Variants in USP28 observed in about 807,000 individuals in gnomAD.
USP28 encodes the protein ubiquitin specific peptidase 28.
In USP28, 113 loss-of-function variants were observed where a neutral mutation model predicts 145.0. That is an observed-to-expected ratio of 0.78 (90% CI 0.67 to 0.91). USP28 has a LOEUF of 0.91. Among genes scored for constraint, USP28 ranks in the 40% least tolerant of loss-of-function variants. USP28 has a pLI of 0.00. For missense variants in USP28, 1,201 were observed against 1,289.6 expected (o/e 0.93, Z 1.05); for synonymous variants, 447 against 450.9 (o/e 0.99, Z 0.11).
At chr11:113,873,646 A>G (rs1207769374) in intron 1 of USP28, among the ~76,000 whole-genome samples, 4 of 152,238 alleles carry the variant, frequency 2.6e-5, no homozygotes, top group African/African-American at 7.2e-5. Context: ...TCAATATGAT[A>G]GTCTCCAAAC....
chr11:113,826,094 C>T (rs1410181104), intron 11 of USP28, among the ~76,000 whole-genome samples: 1 of 151,912 alleles, frequency 6.6e-6, no homozygotes, highest in African/African-American at 2.4e-5. Flanking sequence ...ACCATCCTGG[C>T]CAACATGGTG....
Position 113,841,772 on chromosome 11 carries a change from T to A in USP28, c.269-4A>T. ...TCATGAGTAAGGTCTATAACTTCTG[T>A]AAGATAAACAGAAATTTAATTAGTC... On this transcript the variant is annotated splice_polypyrimidine_tract_variant and splice_region_variant and intron_variant, in intron 3 of 24. Coordinates refer to ENST00000003302, the Ensembl canonical transcript of USP28. The A allele has an allele frequency of 6.3e-7, 1 of 1,599,252 alleles. No individual in the cohort carries two copies. Among genetic ancestry groups the A allele is most frequent in the Non-Finnish European group, 8.5e-7 (1 of 1,171,160 alleles).
At chr11:113,849,727 A>AT (rs1427175461) in intron 3 of USP28, among the ~76,000 whole-genome samples, 4 of 152,308 alleles carry the variant, frequency 2.6e-5, no homozygotes, top group Admixed American at 2.6e-4. Flanking sequence ...CAAAACGCCA[A>AT]TAAGAACTGT....
chr11:113,815,516 G>A, intron 13 of USP28, 134 bp from the exon 14 acceptor site: 1 of 772,684 alleles, frequency 1.3e-6, no homozygotes, highest in South Asian at 1.9e-5. Context: ...TAAAGGTACA[G>A]AGCCAACCTT....
chr11:113,813,743 G>A, intron 15 of USP28, 142 bp downstream of exon 15: 1 of 711,870 alleles, frequency 1.4e-6, no homozygotes, highest in Non-Finnish European at 2.3e-6. Flanking sequence ...TAAAGAAACA[G>A]AACAACATCA....
At chr11:113,804,872 C>T in exon 20 of USP28, 1 of 1,614,056 alleles carries the variant, frequency 6.2e-7, no homozygotes, top group East Asian at 2.2e-5. Flanking sequence ...TCTCACCTTT[C>T]ATCATAGCTA....
chr11:113,852,640 G>C lies in USP28; in HGVS notation c.136-7C>G, dbSNP rs552684996. The C allele has an allele frequency of 6.2e-7, 1 of 1,611,384 alleles. No individual in the cohort carries two copies. The highest frequency in any genetic ancestry group is 1.7e-5 in the Admixed American group (1 of 59,758). ...TAATGTCACCATTACTGGCCTATGGGAGAAAAAGACAATAGAAATTTCAAA... is the reference window on the plus strand; with the variant it reads ...TAATGTCACCATTACTGGCCTATGGCAGAAAAAGACAATAGAAATTTCAAA... On this transcript the variant is annotated splice_region_variant and splice_polypyrimidine_tract_variant and intron_variant, in intron 2 of 24. Coordinates refer to ENST00000003302, the Ensembl canonical transcript of USP28.
chr11:113,845,708 G>A (rs566091594), intron 3 of USP28, among the ~76,000 whole-genome samples: 1 of 152,222 alleles, frequency 6.6e-6, no homozygotes, highest in East Asian at 1.9e-4. Flanking sequence ...CCAGGTAGCT[G>A]GGACTACAGG....
chr11:113,853,350 T>C (rs1224023210), intron 2 of USP28, among the ~76,000 whole-genome samples: 1 of 149,636 alleles, frequency 6.7e-6, no homozygotes, highest in Non-Finnish European at 1.5e-5. Flanking sequence ...ACCTGTTTTC[T>C]AGTGGTGATC....
chr11:113,867,482 G>A (rs1038696359), intron 1 of USP28, among the ~76,000 whole-genome samples: 1 of 151,790 alleles, frequency 6.6e-6, no homozygotes. Context: ...TGGCCAGGCT[G>A]GTCTTGAATT....
chr11:113,825,549 T>A (rs1943188668), intron 11 of USP28, among the ~76,000 whole-genome samples: 1 of 152,264 alleles, frequency 6.6e-6, no homozygotes, highest in South Asian at 2.1e-4. Context: ...TATATGTGAA[T>A]GTTCATGGCA....
At chr11:113,867,654 G>A (rs1948413247) in intron 1 of USP28, among the ~76,000 whole-genome samples, 1 of 151,966 alleles carries the variant, frequency 6.6e-6, no homozygotes, top group African/African-American at 2.4e-5. Flanking sequence ...CTTGTGCCCA[G>A]GATTTTCAAA....
intron 23 of USP28, among the ~76,000 whole-genome samples, chr11:113,802,282 C>A (rs1939169589): frequency 7.5e-6 from 1 of 133,344 alleles, no homozygotes; most frequent in Non-Finnish European, 1.7e-5. Context: ...ATCAAACCAA[C>A]AAGATCCCTT....
chr11:113,812,591 G>A (rs574677103), intron 15 of USP28, 87 bp from the exon 16 acceptor site: 1 of 1,151,028 alleles, frequency 8.7e-7, no homozygotes, highest in Non-Finnish European at 1.3e-6. Context: ...TGTTTATGAT[G>A]TGATTAATGT....
intron 3 of USP28, among the ~76,000 whole-genome samples, chr11:113,847,448 C>T (rs530856595): frequency 4.3e-3 from 25 of 5,848 alleles, no homozygotes; most frequent in Middle Eastern, 0.25. Flanking sequence ...AGAAACGGGA[C>T]GGGGGTGGGG....
chr11:113,831,943 T>A (rs547114701), exon 8 of USP28: 2 of 1,613,966 alleles, frequency 1.2e-6, no homozygotes, highest in East Asian at 4.5e-5. Context: ...CTAGCTGGAA[T>A]GCGTCCTCTA....
At chr11:113,867,135 T>TG (rs1199490469) in intron 1 of USP28, among the ~76,000 whole-genome samples, 1 of 152,150 alleles carries the variant, frequency 6.6e-6, no homozygotes, top group South Asian at 2.1e-4. Context: ...GTGGAGGGCA[T>TG]GGGGGAATAG....
exon 16 of USP28, chr11:113,812,479 A>G: frequency 6.2e-7 from 1 of 1,614,114 alleles, no homozygotes; most frequent in Non-Finnish European, 8.5e-7. Context: ...TTCATGAACA[A>G]GAACTGCATG....
At chr11:113,857,993 G>A (rs1310420292) in intron 1 of USP28, among the ~76,000 whole-genome samples, 2 of 152,052 alleles carry the variant, frequency 1.3e-5, no homozygotes, top group East Asian at 3.9e-4. Context: ...AGCTTCCCGA[G>A]TAGTTGGGAC....
Sources: gnomAD v4.1 joint callset for allele counts (sites outside exome capture counted in the v4.1 genomes callset) on GRCh38, gnomAD v4.1.1 for gene constraint, MANE v1.5 for transcripts, NCBI Gene and HGNC (gene_info 2026-07-23, HGNC 2026-07-21) for gene names.